AVL9: variants seen among roughly 807,000 people sequenced by gnomAD.
AVL9 encodes AVL9 cell migration associated.
Under a neutral mutation model 79.2 loss-of-function variants are expected in AVL9, and 49 were observed. The ratio of observed to expected loss-of-function variants is 0.62; its 90% CI spans 0.49 to 0.79. The LOEUF is 0.79. Ranked by LOEUF, AVL9 falls within the 30% of genes least tolerant of loss-of-function variation. AVL9 has a pLI of 0.00. For missense variants in AVL9, 682 were observed against 776.8 expected, an observed-to-expected ratio of 0.88 and a Z score of 1.45; for synonymous variants, 299 against 280.6, an observed-to-expected ratio of 1.07 and a Z score of -0.65.
chr7:32,498,040 C>A (rs900977501), intron 1 of AVL9, among the ~76,000 whole-genome samples: 22 of 152,160 alleles, frequency 1.4e-4, no homozygotes, highest in African/African-American at 5.3e-4. Flanking sequence ...ATAGAAGTGA[C>A]TGAAGTAAAA....
chr7:32,570,643 C>T (rs1412835725), intron 11 of AVL9, among the ~76,000 whole-genome samples: 1 of 148,782 alleles, frequency 6.7e-6, no homozygotes, highest in Non-Finnish European at 1.5e-5. Flanking sequence ...TTTTTTGAGA[C>T]AGTTTCGTTC....
At chr7:32,503,156 G>C (rs1178680397) in intron 1 of AVL9, among the ~76,000 whole-genome samples, 1 of 151,466 alleles carries the variant, frequency 6.6e-6, no homozygotes, top group East Asian at 1.9e-4. Flanking sequence ...TGTGACTTCT[G>C]AATAAACTCT....
intron 12 of AVL9, among the ~76,000 whole-genome samples, chr7:32,573,817 G>A (rs936963449): frequency 2.0e-5 from 3 of 152,132 alleles, no homozygotes; most frequent in Non-Finnish European, 4.4e-5. Context: ...TTTTTAAGAT[G>A]TATAAAGGGA....
chr7:32,559,247 C>G lies in AVL9; in HGVS notation c.998C>G (p.Thr333Ser). Residue 333 changes from threonine (T) to serine (S), a missense_variant, in exon 10 of 16, where the codon ACT becomes AGT. By Grantham distance (58) the Thr-to-Ser change is moderately conservative. Coordinates refer to ENST00000318709, the MANE Select transcript of AVL9 (RefSeq NM_015060.3). ...GATTCTTCAGAAAGTGACTGGGAAA[C>G]TTTGGATCCTAGTGTCTTAGAGGAC... is the stretch of plus-strand genomic sequence containing the variant. ...SPDSSESDWE[T>S]LDPSVLEDPN... 6.2e-7 allele frequency: 1 copy of G among 1,614,248 alleles called. No individual in the cohort carries two copies. Among genetic ancestry groups the G allele is most frequent in the Non-Finnish European group, 8.5e-7 (1 of 1,180,028 alleles).
At position 32,543,133 on chromosome 7, in the gene AVL9, TA is replaced by T. The variant is rs1789293578; in HGVS notation, c.94-7del. On this transcript the variant is annotated splice_region_variant and splice_polypyrimidine_tract_variant and intron_variant, in intron 1 of 15. Transcript: ENST00000318709. ...CCACCTTTTGGCTAACATTCCTTAC[TA>T]TTTTAGGTTGAATTCTCTTACCCGC... is the stretch of plus-strand genomic sequence containing the variant. 3 of 1,613,106 alleles carry T rather than the reference TA, an allele frequency of 1.9e-6. No individual in the cohort carries two copies. The East Asian group carries it at 6.7e-5, about 36-fold the overall frequency.
intron 1 of AVL9, among the ~76,000 whole-genome samples, chr7:32,541,586 A>G (rs1789210305): frequency 6.6e-6 from 1 of 152,158 alleles, no homozygotes; most frequent in South Asian, 2.1e-4. Flanking sequence ...CCTCATTGTC[A>G]CATCCTGCCT....
intron 1 of AVL9, chr7:32,532,563 C>T (rs926791809): frequency 6.6e-6 from 1 of 152,114 alleles, no homozygotes; most frequent in African/African-American, 2.4e-5. Context: ...ATAACAATTT[C>T]TACGTTAAAA....
chr7:32,570,727 C>T (rs1583593235), intron 11 of AVL9, among the ~76,000 whole-genome samples: 1 of 151,048 alleles, frequency 6.6e-6, no homozygotes, highest in Non-Finnish European at 1.5e-5. Context: ...TCAAGCAATT[C>T]TTCTGCCTCA....
At chr7:32,529,789 C>G (rs1011556355) in intron 1 of AVL9, among the ~76,000 whole-genome samples, 1 of 152,198 alleles carries the variant, frequency 6.6e-6, no homozygotes, top group African/African-American at 2.4e-5. Context: ...GTGTATGTAA[C>G]AAATATCCAG....
intron 11 of AVL9, among the ~76,000 whole-genome samples, chr7:32,571,476 C>T (rs997973157): frequency 2.4e-4 from 36 of 151,372 alleles, no homozygotes; most frequent in Non-Finnish European, 4.7e-4. Flanking sequence ...TGCAGGGAGC[C>T]GAGATCGTGC....
At chr7:32,579,705 G>GTT (rs1273390952) in intron 13 of AVL9, among the ~76,000 whole-genome samples, 2 of 134,806 alleles carry the variant, frequency 1.5e-5, no homozygotes, top group African/African-American at 2.8e-5. Context: ...TGATAGTGCT[G>GTT]TTTTTTTTTA....
intron 1 of AVL9, among the ~76,000 whole-genome samples, chr7:32,527,303 C>G (rs1471873793): frequency 6.6e-6 from 1 of 152,112 alleles, no homozygotes; most frequent in African/African-American, 2.4e-5. Context: ...CAAAAGAGTT[C>G]AGTTACTGAT....
chr7:32,506,274 T>C (rs1405744272), intron 1 of AVL9, among the ~76,000 whole-genome samples: 1 of 152,208 alleles, frequency 6.6e-6, no homozygotes, highest in African/African-American at 2.4e-5. Flanking sequence ...TAACTAGTAG[T>C]AAAATAGAAT....
Position 32,584,215 on chromosome 7 carries a change from G to T in AVL9, c.*308G>T. The T allele has an allele frequency of 6.4e-6, 2 of 310,284 alleles. No individual in the cohort carries two copies. The highest frequency in any genetic ancestry group is 4.6e-5 in the South Asian group (1 of 21,790). 19.2% of individuals were successfully genotyped at this position (310,284 alleles called of 1,614,324 possible). ...TTGTACATTGGTTTACTTTAGAAGA[G>T]TTTTTACTTATGTAAATTTTGTTCT... is the stretch of plus-strand genomic sequence containing the variant. On this transcript the variant is annotated 3_prime_UTR_variant, in exon 16 of 16. Transcript: ENST00000318709.
chr7:32,584,437 C>T lies in AVL9; in HGVS notation c.*530C>T. ...CCACAAAACATTTATTAATTCACTTCCTCCCAGAAACATGAAAGTTAGAGG... is the reference window on the plus strand; with the variant it reads ...CCACAAAACATTTATTAATTCACTTTCTCCCAGAAACATGAAAGTTAGAGG... On this transcript the variant is annotated 3_prime_UTR_variant, in exon 16 of 16. Transcript: ENST00000318709. The T allele has an allele frequency of 6.5e-6, 1 of 154,832 alleles. No individual in the cohort carries two copies. Among genetic ancestry groups the T allele is most frequent in the South Asian group, 2.0e-4 (1 of 5,032 alleles). 9.6% of individuals were successfully genotyped at this position (154,832 alleles called of 1,614,324 possible). A position where few individuals can be genotyped will look rare whatever the true frequency, so the allele number is the denominator to read the frequency against.
At chr7:32,564,271 TTA>T (rs1255373647) in intron 10 of AVL9, among the ~76,000 whole-genome samples, 7 of 152,252 alleles carry the variant, frequency 4.6e-5, no homozygotes, top group South Asian at 2.1e-4. Flanking sequence ...CTTTTTGGTT[TTA>T]TGTTTTTTGA....
Position 32,543,793 on chromosome 7 carries a change from C to G in AVL9, c.214+532C>G, listed in dbSNP as rs142125452. Among the ~76,000 whole-genome samples the G allele has an allele frequency of 1.8e-3, 272 of 152,314 alleles. 1 individual carries two copies. The highest frequency in any genetic ancestry group is 6.2e-3 in the African/African-American group (258 of 41,562). ...GAAGTTCTTACCGAATCTCTTACCA[C>G]CCTATAACTGAGTACTTTGCCTGAC... On this transcript the variant is annotated intron_variant, in intron 2 of 15. Coordinates refer to ENST00000318709, the MANE Select transcript of AVL9 (RefSeq NM_015060.3).
intron 1 of AVL9, among the ~76,000 whole-genome samples, chr7:32,530,957 T>TA (rs891495820): frequency 4.3e-4 from 64 of 148,134 alleles, no homozygotes; most frequent in Admixed American, 1.7e-3. Flanking sequence ...CTCCACCTAT[T>TA]AAAAAAAAAA....
At chr7:32,581,053 C>T in intron 15 of AVL9, 163 bp downstream of exon 15, 1 of 558,696 alleles carries the variant, frequency 1.8e-6, no homozygotes, top group Admixed American at 3.4e-5. Context: ...TGAAAAATTC[C>T]AAATTCCAAA....
Sources: allele counts gnomAD v4.1 joint callset (sites outside exome capture counted in the v4.1 genomes callset), GRCh38; gene constraint gnomAD v4.1.1; transcripts MANE v1.5; gene names NCBI Gene and HGNC (gene_info 2026-07-23, HGNC 2026-07-21).